ZNF385B: variants seen among roughly 807,000 people sequenced by gnomAD.
ZNF385B encodes the protein zinc finger protein 385B, also known as zinc finger protein 533.
In ZNF385B, 23 loss-of-function variants were observed where a neutral mutation model predicts 39.2. The observed-to-expected ratio is 0.59, with a 90% CI of 0.42 to 0.83. ZNF385B has a LOEUF of 0.83. Among genes scored for constraint, ZNF385B ranks in the 40% least tolerant of loss-of-function variants. The pLI is 0.00. For missense variants in ZNF385B, 552 were observed against 598.9 expected, an observed-to-expected ratio of 0.92 and a Z score of 0.82; for synonymous variants, 205 against 222.6, an observed-to-expected ratio of 0.92 and a Z score of 0.70.
At chr2:179,774,339 C>CAGTAACCAAGGTCAATGTTT (rs1704186899) in intron 1 of ZNF385B, among the ~76,000 whole-genome samples, 1 of 151,458 alleles carries the variant, frequency 6.6e-6, no homozygotes, top group African/African-American at 2.4e-5. Flanking sequence ...GTTGTGAACA[C>CAGTAACCAAGGTCAATGTTT]AGTAACCAAG....
intron 6 of ZNF385B, among the ~76,000 whole-genome samples, chr2:179,476,712 G>A (rs1399978511): frequency 1.3e-5 from 2 of 152,136 alleles, no homozygotes. Context: ...AAGGTGCATG[G>A]GTAAAGATGG....
intron 3 of ZNF385B, among the ~76,000 whole-genome samples, chr2:179,607,238 G>A (rs1688880887): frequency 1.3e-5 from 2 of 152,130 alleles, no homozygotes; most frequent in South Asian, 2.1e-4. Flanking sequence ...GTTTGGCTCT[G>A]TGTCCCCACC....
chr2:179,756,886 A>G lies in ZNF385B; in HGVS notation c.298+12617T>C, dbSNP rs181272628. On this transcript the variant is annotated intron_variant, in intron 3 of 9. Transcript: ENST00000410066. ...TGTGTAATCTTTTTTCAAGGTTTTT[A>G]GCTTCTTTACAATGGGTTTGAACTT... Among the ~76,000 whole-genome samples, 7 of 152,182 alleles carry G rather than the reference A, an allele frequency of 4.6e-5. No individual in the cohort carries two copies. In the East Asian group the frequency reaches 1.4e-3, roughly 29 times the overall value.
chr2:179,454,295 G>T (rs1433680095), intron 6 of ZNF385B, among the ~76,000 whole-genome samples: 1 of 152,152 alleles, frequency 6.6e-6, no homozygotes, highest in African/African-American at 2.4e-5. Context: ...TGTGGTAGCT[G>T]TCATGATGTT....
intron 1 of ZNF385B, among the ~76,000 whole-genome samples, chr2:179,847,930 T>C (rs1708881605): frequency 6.6e-6 from 1 of 152,136 alleles, no homozygotes; most frequent in African/African-American, 2.4e-5. Context: ...AGCCTATAAC[T>C]AGAGTAACTG....
At chr2:179,500,310 A>T (rs538781197) in intron 5 of ZNF385B, among the ~76,000 whole-genome samples, 1 of 152,240 alleles carries the variant, frequency 6.6e-6, no homozygotes, top group South Asian at 2.1e-4. Context: ...CACCAAAGCT[A>T]TCCTACACCA....
chr2:179,554,799 G>A (rs2060799605), intron 3 of ZNF385B, among the ~76,000 whole-genome samples: 1 of 149,206 alleles, frequency 6.7e-6, no homozygotes, highest in Admixed American at 6.7e-5. Flanking sequence ...CTACAATGAG[G>A]TATCACTACA....
Position 179,639,819 on chromosome 2 carries a change from T to G in ZNF385B, c.299-94850A>C, listed in dbSNP as rs538995464. On this transcript the variant is annotated intron_variant, in intron 3 of 9. Coordinates refer to ENST00000410066, the MANE Select transcript of ZNF385B (RefSeq NM_152520.6). ...TTCACAAAGTTTCAAAGTATCACTG[T>G]GCAGATAATGTTTGAATTTTTAAAA... Among the ~76,000 whole-genome samples the G allele has an allele frequency of 1.9e-4, 29 of 152,312 alleles. No individual in the cohort carries two copies. In the East Asian group the frequency reaches 4.1e-3, roughly 21 times the overall value.
At chr2:179,753,325 G>C (rs544202248) in intron 3 of ZNF385B, among the ~76,000 whole-genome samples, 1 of 152,278 alleles carries the variant, frequency 6.6e-6, no homozygotes, top group Non-Finnish European at 1.5e-5. Flanking sequence ...GTACCATGCT[G>C]TTTTGGTTAC....
intron 3 of ZNF385B, among the ~76,000 whole-genome samples, chr2:179,599,040 A>C (rs764394452): frequency 1.3e-5 from 2 of 152,212 alleles, no homozygotes; most frequent in African/African-American, 2.4e-5. Flanking sequence ...TATGTGAGGA[A>C]TCATGATTTA....
At chr2:179,459,472 T>A (rs908532165) in intron 6 of ZNF385B, among the ~76,000 whole-genome samples, 2 of 152,058 alleles carry the variant, frequency 1.3e-5, no homozygotes. Flanking sequence ...ATTCAACAAC[T>A]ACTGATTGAG....
chr2:179,645,398 A>G (rs77139296), intron 3 of ZNF385B, among the ~76,000 whole-genome samples: 6,221 of 152,302 alleles, frequency 0.041, 173 homozygotes, highest in Middle Eastern at 0.068. Context: ...CAATCTGGAA[A>G]AACATCCACA....
intron 3 of ZNF385B, among the ~76,000 whole-genome samples, chr2:179,629,126 C>T (rs1690945486): frequency 6.6e-6 from 1 of 152,020 alleles, no homozygotes; most frequent in African/African-American, 2.4e-5. Context: ...TATAAATTTC[C>T]AGACCCAGTC....
intron 6 of ZNF385B, among the ~76,000 whole-genome samples, chr2:179,457,426 A>C (rs561473422): frequency 6.6e-6 from 1 of 152,238 alleles, no homozygotes; most frequent in South Asian, 2.1e-4. Context: ...CAAGATATTC[A>C]TATCTAGCTT....
At chr2:179,735,771 C>G (rs987754913) in intron 3 of ZNF385B, among the ~76,000 whole-genome samples, 2 of 150,694 alleles carry the variant, frequency 1.3e-5, no homozygotes, top group African/African-American at 2.4e-5. Context: ...TCTCAGTAAA[C>G]TATCTCAAGA....
intron 3 of ZNF385B, among the ~76,000 whole-genome samples, chr2:179,693,889 G>T (rs1698531750): frequency 6.6e-6 from 1 of 152,110 alleles, no homozygotes; most frequent in Non-Finnish European, 1.5e-5. Flanking sequence ...AAAGAATTCT[G>T]CTCTAGACTA....
chr2:179,684,495 CAA>C (rs1317472840), intron 3 of ZNF385B, among the ~76,000 whole-genome samples: 1 of 152,172 alleles, frequency 6.6e-6, no homozygotes, highest in Non-Finnish European at 1.5e-5. Flanking sequence ...TGTGGTTTAA[CAA>C]AGAGGAAGGC....
At chr2:179,446,907 G>A in intron 6 of ZNF385B, 137 bp from the exon 7 acceptor site, 2 of 1,110,310 alleles carry the variant, frequency 1.8e-6, no homozygotes, top group Non-Finnish European at 2.5e-6. Context: ...AGTTTATAGA[G>A]GTTAAATCAA....
At chr2:179,620,859 T>A (rs1053354768) in intron 3 of ZNF385B, among the ~76,000 whole-genome samples, 6 of 152,170 alleles carry the variant, frequency 3.9e-5, no homozygotes, top group African/African-American at 7.2e-5. Flanking sequence ...TGTACTTTTT[T>A]AAAAAGCATC....
Sources: allele counts gnomAD v4.1 joint callset (sites outside exome capture counted in the v4.1 genomes callset), GRCh38; gene constraint gnomAD v4.1.1; transcripts MANE v1.5; gene names NCBI Gene and HGNC (gene_info 2026-07-23, HGNC 2026-07-21).